HDAC9: variants seen among roughly 807,000 people sequenced by gnomAD.
HDAC9 encodes the protein MEF-2 interacting transcription repressor (MITR) protein.
HDAC9 carries 41 observed loss-of-function variants against 139.4 expected under a neutral mutation model. The ratio of observed to expected loss-of-function variants is 0.29; its 90% CI spans 0.23 to 0.38. The LOEUF is 0.38. HDAC9 is among the 10% of genes least tolerant of loss of function. The pLI, the probability that HDAC9 is intolerant of heterozygous loss-of-function variation, is 1.00. For synonymous variants in HDAC9, 517 were observed against 476.2 expected (o/e 1.09, Z -1.12); for missense variants, 1,147 against 1,297.0 (o/e 0.88, Z 1.78).
At chr7:18,209,919 C>T (rs1037164945) in intron 2 of HDAC9, among the ~76,000 whole-genome samples, 3 of 152,068 alleles carry the variant, frequency 2.0e-5, no homozygotes, top group African/African-American at 4.8e-5. Flanking sequence ...CCAGGATGGT[C>T]TCGATCTCCT....
chr7:18,312,499 A>T (rs1183924880), intron 1 of HDAC9, among the ~76,000 whole-genome samples: 1 of 152,088 alleles, frequency 6.6e-6, no homozygotes, highest in Non-Finnish European at 1.5e-5. Flanking sequence ...ATAGTAGTTC[A>T]TTGTGTGGGT....
intron 1 of HDAC9, among the ~76,000 whole-genome samples, chr7:18,400,239 G>GT (rs1313884729): frequency 5.9e-5 from 9 of 152,164 alleles, no homozygotes; most frequent in African/African-American, 2.2e-4. Flanking sequence ...CCCTTATTTA[G>GT]TTTAGTTTAA....
intron 1 of HDAC9, among the ~76,000 whole-genome samples, chr7:18,093,406 A>G (rs941211608): frequency 4.6e-5 from 7 of 152,208 alleles, no homozygotes; most frequent in African/African-American, 9.7e-5. Context: ...CAGTGCTACA[A>G]TTGCTGTTGG....
chr7:18,284,907 T>C (rs1200525085), intron 2 of HDAC9, among the ~76,000 whole-genome samples: 1 of 152,174 alleles, frequency 6.6e-6, no homozygotes, highest in African/African-American at 2.4e-5. Context: ...AGTAATGTGA[T>C]TTCTTGTGGA....
chr7:18,138,941 T>C (rs1336319132), intron 1 of HDAC9, among the ~76,000 whole-genome samples: 3 of 152,152 alleles, frequency 2.0e-5, no homozygotes, highest in Non-Finnish European at 4.4e-5. Flanking sequence ...ATAAATGCTA[T>C]GATTATGTTT....
In HDAC9 at chr7:18,971,960, C is replaced by CTGAT. The variant is rs1226770016; in HGVS notation, c.3023-3843_3023-3840dup. ...CTATTAACCATGCATACCTTCTGTC[C>CTGAT]TGATTGTGTTATGGAAGTAAAGATG... On this transcript the variant is annotated intron_variant, in intron 24 of 25. Coordinates refer to ENST00000686413, the MANE Select transcript of HDAC9 (RefSeq NM_178425.4). Among the ~76,000 whole-genome samples, 3 of 152,232 alleles carry CTGAT rather than the reference C, an allele frequency of 2.0e-5. No homozygotes were observed. In the East Asian group the frequency reaches 5.8e-4, roughly 29 times the overall value.
chr7:18,916,022 G>GAAAAAAAAAAAAAAAAAAAAAAAA (rs55866735), intron 22 of HDAC9, among the ~76,000 whole-genome samples: 1 of 138,120 alleles, frequency 7.2e-6, no homozygotes, highest in Admixed American at 7.3e-5. Context: ...CCCCCCGCTG[G>GAAAAAAAAAAAAAAAAAAAAAAAA]AAAAAAAAAA....
intron 12 of HDAC9, among the ~76,000 whole-genome samples, chr7:18,700,727 C>T (rs1167014478): frequency 1.3e-5 from 2 of 152,172 alleles, no homozygotes; most frequent in Non-Finnish European, 2.9e-5. Context: ...GCTTGCCTGG[C>T]TGAGAATGCT....
intron 1 of HDAC9, among the ~76,000 whole-genome samples, chr7:18,475,533 A>G (rs919545327): frequency 3.3e-5 from 5 of 152,248 alleles, no homozygotes; most frequent in African/African-American, 9.6e-5. Flanking sequence ...AAAGGTGGCA[A>G]TTGGACAATA....
At chr7:18,241,004 G>C (rs1794152331) in intron 2 of HDAC9, among the ~76,000 whole-genome samples, 1 of 152,170 alleles carries the variant, frequency 6.6e-6, no homozygotes, top group Non-Finnish European at 1.5e-5. Context: ...TGTATACAGA[G>C]TCCAGACCGT....
intron 16 of HDAC9, among the ~76,000 whole-genome samples, chr7:18,792,472 A>G (rs188807866): frequency 6.6e-6 from 1 of 152,186 alleles, no homozygotes; most frequent in Admixed American, 6.5e-5. Context: ...ATAACATATG[A>G]TAATTATAAA....
At chr7:18,257,212 C>T (rs1795315202) in intron 2 of HDAC9, among the ~76,000 whole-genome samples, 1 of 150,794 alleles carries the variant, frequency 6.6e-6, no homozygotes, top group South Asian at 2.1e-4. Context: ...TGGTGGTTCA[C>T]ACCTGTAATT....
intron 12 of HDAC9, among the ~76,000 whole-genome samples, chr7:18,677,528 A>G (rs1781597421): frequency 6.6e-6 from 1 of 151,932 alleles, no homozygotes; most frequent in Non-Finnish European, 1.5e-5. Flanking sequence ...TACACTAAGT[A>G]TAGGTTTAAC....
chr7:18,407,910 A>C (rs1005602776), intron 1 of HDAC9, among the ~76,000 whole-genome samples: 4 of 152,198 alleles, frequency 2.6e-5, no homozygotes, highest in African/African-American at 9.6e-5. Flanking sequence ...TTTTTCAGAT[A>C]GAGATAATAA....
chr7:18,467,228 A>G (rs1794355171), intron 1 of HDAC9, among the ~76,000 whole-genome samples: 3 of 152,196 alleles, frequency 2.0e-5, no homozygotes, highest in Non-Finnish European at 2.9e-5. Flanking sequence ...TCACATTCCC[A>G]GTCAGTTATA....
chr7:18,552,450 G>A (rs961514685), intron 2 of HDAC9, among the ~76,000 whole-genome samples: 1 of 151,532 alleles, frequency 6.6e-6, no homozygotes, highest in Non-Finnish European at 1.5e-5. Context: ...AAAAAAAAAA[G>A]CACTAGAAGC....
intron 1 of HDAC9, among the ~76,000 whole-genome samples, chr7:18,093,406 A>C (rs941211608): frequency 6.6e-6 from 1 of 152,208 alleles, no homozygotes; most frequent in African/African-American, 2.4e-5. Context: ...CAGTGCTACA[A>C]TTGCTGTTGG....
At chr7:18,992,993 T>G (rs765062971) in intron 25 of HDAC9, among the ~76,000 whole-genome samples, 1 of 152,244 alleles carries the variant, frequency 6.6e-6, no homozygotes, top group African/African-American at 2.4e-5. Context: ...TAGACATGTA[T>G]CTAGGGATGG....
chr7:18,863,771 G>A (rs534462521), intron 21 of HDAC9, among the ~76,000 whole-genome samples: 10 of 152,262 alleles, frequency 6.6e-5, no homozygotes, highest in African/African-American at 2.2e-4. Context: ...GGTGGGGTAG[G>A]CGTGGGAAGG....
Sources: gnomAD v4.1 joint callset for allele counts (sites outside exome capture counted in the v4.1 genomes callset) on GRCh38, gnomAD v4.1.1 for gene constraint, MANE v1.5 for transcripts, NCBI Gene and HGNC (gene_info 2026-07-23, HGNC 2026-07-21) for gene names.